UHRF1: variants seen among roughly 807,000 people sequenced by gnomAD.
UHRF1 encodes E3 ubiquitin-protein ligase UHRF1.
In UHRF1, 9 loss-of-function variants were observed where a neutral mutation model predicts 96.5. That is an observed-to-expected ratio of 0.09 (90% CI 0.06 to 0.16). The LOEUF (loss-of-function observed/expected upper bound fraction) is 0.16. Among genes scored for constraint, UHRF1 ranks in the 10% least tolerant of loss-of-function variants. The pLI, the probability that UHRF1 is intolerant of heterozygous loss-of-function variation, is 1.00. For synonymous variants in UHRF1, 455 were observed against 469.9 expected (o/e 0.97, Z 0.41); for missense variants, 626 against 1,131.1 (o/e 0.55, Z 6.40).
At chr19:4,934,432 C>G (rs771244616) in intron 5 of UHRF1, among the ~76,000 whole-genome samples, 1 of 152,152 alleles carries the variant, frequency 6.6e-6, no homozygotes, top group Non-Finnish European at 1.5e-5. Flanking sequence ...GTCCTCTTCC[C>G]AAACTGAAAC....
chr19:4,912,352 C>T (rs1302383358), intron 2 of UHRF1, among the ~76,000 whole-genome samples: 1 of 152,198 alleles, frequency 6.6e-6, no homozygotes, highest in Non-Finnish European at 1.5e-5. Context: ...TGGGTCAGCA[C>T]AGAAGGCTTC....
intron 2 of UHRF1, among the ~76,000 whole-genome samples, chr19:4,925,938 C>T (rs574132801): frequency 6.6e-6 from 1 of 151,870 alleles, no homozygotes; most frequent in Admixed American, 6.6e-5. Context: ...GCTCTTTTTG[C>T]CCAGGCTGGA....
At chr19:4,934,225 G>T (rs1172161624) in intron 5 of UHRF1, among the ~76,000 whole-genome samples, 1 of 151,508 alleles carries the variant, frequency 6.6e-6, no homozygotes, top group Non-Finnish European at 1.5e-5. Context: ...GTAGAGTCTG[G>T]GTTTCACCAT....
intron 11 of UHRF1, among the ~76,000 whole-genome samples, chr19:4,948,628 C>G (rs1247619545): frequency 1.3e-5 from 2 of 151,726 alleles, no homozygotes; most frequent in African/African-American, 4.8e-5. Flanking sequence ...ATGGTGAAAC[C>G]CTGTCTCTAC....
At chr19:4,939,749 G>T (rs1414338080) in intron 5 of UHRF1, among the ~76,000 whole-genome samples, 2 of 152,196 alleles carry the variant, frequency 1.3e-5, no homozygotes, top group Non-Finnish European at 2.9e-5. Flanking sequence ...TGGGTGCCAG[G>T]CGCAGTGGCT....
intron 5 of UHRF1, among the ~76,000 whole-genome samples, chr19:4,939,152 A>G (rs974236121): frequency 1.1e-4 from 16 of 150,046 alleles, no homozygotes; most frequent in African/African-American, 3.7e-4. Context: ...TCCTGACCTT[A>G]GATAATCCAC....
intron 5 of UHRF1, among the ~76,000 whole-genome samples, chr19:4,937,611 G>A (rs539825884): frequency 4.1e-4 from 62 of 152,182 alleles, no homozygotes; most frequent in Non-Finnish European, 6.5e-4. Context: ...TGATCCGCCC[G>A]CCTTGGCCTC....
chr19:4,919,468 A>G (rs886723243), intron 2 of UHRF1, among the ~76,000 whole-genome samples: 3 of 151,510 alleles, frequency 2.0e-5, no homozygotes, highest in Non-Finnish European at 4.4e-5. Flanking sequence ...TCGCCCAGCT[A>G]ATTTTTTGTA....
rs2033009298 is a variant in UHRF1, at chr19:4,930,359, C to T, written c.409-357C>T. ...CGGGGCTCAAGCGATCCACCTGCCT[C>T]GGCCTCCCAAAGTGCTGGTATTCCA... On this transcript the variant is annotated intron_variant, in intron 3 of 16. Transcript: ENST00000650932. The surrounding 1 kb of genome is among the most constrained non-coding windows in gnomAD (Gnocchi z 4.4). Among the ~76,000 whole-genome samples the T allele has an allele frequency of 2.6e-5, 4 of 152,332 alleles. No homozygotes were observed. The highest frequency in any genetic ancestry group is 4.1e-4 in the South Asian group (2 of 4,830).
In UHRF1 at chr19:4,932,625, G is replaced by A. The variant is rs1226922369; in HGVS notation, c.570-116G>A. ...GTTCTCAACACCAGCATATAAGCCT[G>A]TTGGGAGGGGCCTCTGCACACTGTC... On this transcript the variant is annotated intron_variant, in intron 4 of 16. Coordinates refer to ENST00000650932, the MANE Select transcript of UHRF1 (RefSeq NM_001048201.3). The A allele has an allele frequency of 1.4e-5, 15 of 1,099,088 alleles. No individual in the cohort carries two copies. In the South Asian group the frequency reaches 2.2e-4, roughly 16 times the overall value. 68.1% of individuals were successfully genotyped at this position (1,099,088 alleles called of 1,614,324 possible). A position where few individuals can be genotyped will look rare whatever the true frequency, so the allele number is the denominator to read the frequency against.
intron 2 of UHRF1, among the ~76,000 whole-genome samples, chr19:4,926,232 C>G (rs996462371): frequency 2.0e-5 from 3 of 152,204 alleles, no homozygotes; most frequent in Non-Finnish European, 1.5e-5. Context: ...TGGGTTGCTT[C>G]CACTCTCAGG....
At chr19:4,912,395 C>T (rs1394250488) in intron 2 of UHRF1, among the ~76,000 whole-genome samples, 1 of 152,176 alleles carries the variant, frequency 6.6e-6, no homozygotes, top group Admixed American at 6.5e-5. Flanking sequence ...CCTGCAAGGA[C>T]CTTCTAAGTT....
chr19:4,917,363 A>G (rs1356464112), intron 2 of UHRF1, among the ~76,000 whole-genome samples: 1 of 151,820 alleles, frequency 6.6e-6, no homozygotes, highest in Non-Finnish European at 1.5e-5. Flanking sequence ...TAAGGGAGAC[A>G]GGGTCCACAA....
intron 2 of UHRF1, among the ~76,000 whole-genome samples, chr19:4,911,371 C>T (rs1331199484): frequency 6.6e-6 from 1 of 152,122 alleles, no homozygotes; most frequent in Non-Finnish European, 1.5e-5. Context: ...GAGGAATTTT[C>T]GAGAAAGGGC....
At chr19:4,934,553 A>G (rs775637571) in intron 5 of UHRF1, among the ~76,000 whole-genome samples, 2 of 152,050 alleles carry the variant, frequency 1.3e-5, no homozygotes, top group Non-Finnish European at 2.9e-5. Context: ...ATCACACAGG[A>G]TTTGTCCTTT....
chr19:4,908,977 GAA>G, upstream of UHRF1, among the ~76,000 whole-genome samples: 1 of 152,286 alleles, frequency 6.6e-6, no homozygotes, highest in South Asian at 2.1e-4. Context: ...AACGAGGCGG[GAA>G]AAGACAGCAA....
At position 4,929,494 on chromosome 19, in the gene UHRF1, A is replaced by C; in HGVS notation, c.408+18A>C. The C allele has an allele frequency of 6.2e-7, 1 of 1,603,194 alleles. No homozygotes were observed. The highest frequency in any genetic ancestry group is 1.3e-5 in the African/African-American group (1 of 74,758). On this transcript the variant is annotated intron_variant, in intron 3 of 16. Transcript: ENST00000650932. ...TGTACAAGGTGAGCCTCCCCTCCGC[A>C]GCTGCTCTGGGGTTGGACGTTCTCC...
chr19:4,938,680 A>G (rs1207630670), intron 5 of UHRF1, among the ~76,000 whole-genome samples: 3 of 140,324 alleles, frequency 2.1e-5, no homozygotes, highest in Non-Finnish European at 4.5e-5. Context: ...AAGTGCTGGG[A>G]CTACAGGCAT....
chr19:4,928,367 C>T (rs1034836467), intron 2 of UHRF1, among the ~76,000 whole-genome samples: 12 of 151,812 alleles, frequency 7.9e-5, no homozygotes, highest in Admixed American at 5.3e-4. Context: ...GGGAGAGGGT[C>T]CTTGTTGGGT....
Sources: allele counts gnomAD v4.1 joint callset (sites outside exome capture counted in the v4.1 genomes callset), GRCh38; gene constraint gnomAD v4.1.1; non-coding constraint Gnocchi (gnomAD v3.1); transcripts MANE v1.5; gene names NCBI Gene and HGNC (gene_info 2026-07-23, HGNC 2026-07-21).